The following SLCO6A1 variants were observed in gnomAD, a reference collection of about 807,000 sequenced individuals.
SLCO6A1 encodes solute carrier organic anion transporter family member 6A1, also known as cancer/testis antigen 48.
SLCO6A1 carries 65 observed loss-of-function variants against 72.7 expected under a neutral mutation model. That is an observed-to-expected ratio of 0.89 (90% CI 0.73 to 1.10). The LOEUF is 1.10. SLCO6A1 is among the 50% of genes least tolerant of loss of function. The pLI is 0.00. For missense variants in SLCO6A1, 874 were observed against 872.6 expected (o/e 1.00, Z -0.02); for synonymous variants, 314 against 298.2 (o/e 1.05, Z -0.55).
intron 7 of SLCO6A1, among the ~76,000 whole-genome samples, chr5:102,435,531 G>A (rs1749482465): frequency 6.6e-6 from 1 of 152,104 alleles, no homozygotes; most frequent in Non-Finnish European, 1.5e-5. Flanking sequence ...AGGTAGCAGG[G>A]GTACTAAGAA....
At chr5:102,379,163 CTTTA>C (rs1403309946) in intron 12 of SLCO6A1, among the ~76,000 whole-genome samples, 1 of 151,912 alleles carries the variant, frequency 6.6e-6, no homozygotes, top group Non-Finnish European at 1.5e-5. Context: ...TAAGGTTATC[CTTTA>C]TTTATTGATT....
intron 10 of SLCO6A1, 108 bp from the exon 11 acceptor site, chr5:102,391,153 C>T: frequency 1.0e-6 from 1 of 998,646 alleles, no homozygotes; most frequent in Non-Finnish European, 1.5e-6. Flanking sequence ...ATCAATTGTA[C>T]TAAGAATCTT....
chr5:102,439,144 G>A (rs1484088483), intron 6 of SLCO6A1, among the ~76,000 whole-genome samples: 2 of 151,618 alleles, frequency 1.3e-5, no homozygotes, highest in East Asian at 3.9e-4. Flanking sequence ...TTTTAAGCAA[G>A]TCTTTTTTAT....
chr5:102,399,435 C>A, intron 10 of SLCO6A1, 120 bp downstream of exon 10: 1 of 613,262 alleles, frequency 1.6e-6, no homozygotes, highest in Non-Finnish European at 2.4e-6. Context: ...AACAACTTTT[C>A]CTCTGCATTT....
Position 102,438,560 on chromosome 5 carries a change from G to A in SLCO6A1, c.1276+57C>T, listed in dbSNP as rs913877159. On this transcript the variant is annotated intron_variant, in intron 7 of 13. Coordinates refer to ENST00000506729, the MANE Select transcript of SLCO6A1 (RefSeq NM_173488.5). ...TTTATTTATTTCAAGTATTTCATAAGTACATACAATAAGACAGTGCAAAAT... is the reference window on the plus strand; with the variant it reads ...TTTATTTATTTCAAGTATTTCATAAATACATACAATAAGACAGTGCAAAAT... 3.8e-6 allele frequency: 5 copies of A among 1,323,498 alleles called. No homozygotes were observed. In the African/African-American group the frequency reaches 6.1e-5, roughly 16 times the overall value. The allele number at this position is 1,323,498 out of a possible 1,614,324, so 82.0% of individuals were successfully genotyped here.
At chr5:102,405,347 C>A (rs1372582146) in intron 9 of SLCO6A1, among the ~76,000 whole-genome samples, 2 of 151,010 alleles carry the variant, frequency 1.3e-5, no homozygotes, top group African/African-American at 4.9e-5. Context: ...GAATTCCAAA[C>A]AGGATAAACT....
At chr5:102,417,659 G>A (rs908879647) in intron 8 of SLCO6A1, among the ~76,000 whole-genome samples, 5 of 152,040 alleles carry the variant, frequency 3.3e-5, no homozygotes, top group South Asian at 2.1e-4. Context: ...TTTTAAAAAT[G>A]TATATTTATC....
chr5:102,437,896 C>T (rs1213565475), intron 7 of SLCO6A1, among the ~76,000 whole-genome samples: 2 of 152,096 alleles, frequency 1.3e-5, no homozygotes, highest in Non-Finnish European at 2.9e-5. Flanking sequence ...GCATTTACAA[C>T]TTTCCTATTA....
chr5:102,382,981 G>C (rs529199823), intron 12 of SLCO6A1, among the ~76,000 whole-genome samples: 5 of 143,114 alleles, frequency 3.5e-5, no homozygotes, highest in Non-Finnish European at 6.0e-5. Flanking sequence ...ATATATGAGA[G>C]ATATATATAT....
intron 10 of SLCO6A1, among the ~76,000 whole-genome samples, chr5:102,398,961 C>T (rs912278391): frequency 2.6e-5 from 4 of 151,350 alleles, no homozygotes; most frequent in Admixed American, 6.6e-5. Flanking sequence ...AGGCTTTTCA[C>T]GCCTTAAAGT....
chr5:102,412,846 T>C (rs1317903623), intron 9 of SLCO6A1, 144 bp downstream of exon 9: 1 of 309,104 alleles, frequency 3.2e-6, no homozygotes, highest in African/African-American at 2.2e-5. Context: ...AAAAAATAGG[T>C]TTTATACAGA....
intron 4 of SLCO6A1, among the ~76,000 whole-genome samples, chr5:102,461,180 T>C (rs561152787): frequency 2.6e-5 from 4 of 151,772 alleles, no homozygotes; most frequent in Non-Finnish European, 5.9e-5. Context: ...AAAAACAATA[T>C]AATGGTTATA....
chr5:102,444,049 T>G (rs558973333), intron 6 of SLCO6A1, among the ~76,000 whole-genome samples: 63 of 152,328 alleles, frequency 4.1e-4, no homozygotes, highest in Non-Finnish European at 7.4e-4. Flanking sequence ...AGGATTGCTT[T>G]CCAGTTAGGC....
chr5:102,404,228 G>C (rs764654927), intron 9 of SLCO6A1, among the ~76,000 whole-genome samples: 10 of 152,166 alleles, frequency 6.6e-5, no homozygotes, highest in Non-Finnish European at 1.2e-4. Context: ...GGGTGTGGTG[G>C]CTCACGCCTG....
chr5:102,461,169 GA>G (rs1751020619), intron 4 of SLCO6A1, among the ~76,000 whole-genome samples: 1 of 151,530 alleles, frequency 6.6e-6, no homozygotes, highest in African/African-American at 2.4e-5. Flanking sequence ...TATCAATTGG[GA>G]AAAACAATAT....
At chr5:102,451,728 T>C (rs577346808) in intron 6 of SLCO6A1, among the ~76,000 whole-genome samples, 25 of 152,298 alleles carry the variant, frequency 1.6e-4, no homozygotes, top group African/African-American at 5.8e-4. Context: ...TGTCTCAGTC[T>C]TCCCTCTTCT....
chr5:102,498,900 C>G lies in SLCO6A1; in HGVS notation c.-56G>C, dbSNP rs1172905980. The G allele has an allele frequency of 5.3e-6, 8 of 1,498,276 alleles. No homozygotes were observed. The East Asian group carries it at 1.8e-4, about 34-fold the overall frequency. 92.8% of individuals were successfully genotyped at this position (1,498,276 alleles called of 1,614,324 possible). ...GCCCGAGTGCTCTCGGCTGCCCGTC[C>G]TGCCTGGGCCAACCCAAAGGCCAGC... is the stretch of plus-strand genomic sequence containing the variant. On this transcript the variant is annotated 5_prime_UTR_variant, in exon 1 of 14. Coordinates refer to ENST00000506729, the MANE Select transcript of SLCO6A1 (RefSeq NM_173488.5).
intron 12 of SLCO6A1, among the ~76,000 whole-genome samples, chr5:102,386,429 G>A (rs1186789856): frequency 6.6e-6 from 1 of 152,186 alleles, no homozygotes; most frequent in African/African-American, 2.4e-5. Flanking sequence ...GCATGGGTCT[G>A]CAGGGGCCAG....
At chr5:102,392,286 A>T (rs1373850818) in intron 10 of SLCO6A1, among the ~76,000 whole-genome samples, 1 of 151,986 alleles carries the variant, frequency 6.6e-6, no homozygotes, top group African/African-American at 2.4e-5. Context: ...CTAAATTTTT[A>T]AATAAAAAAT....
Sources: allele counts gnomAD v4.1 joint callset (sites outside exome capture counted in the v4.1 genomes callset), GRCh38; gene constraint gnomAD v4.1.1; transcripts MANE v1.5; gene names NCBI Gene and HGNC (gene_info 2026-07-23, HGNC 2026-07-21).